Variants in FKBP5 observed in about 807,000 individuals in gnomAD.
FKBP5 encodes FKBP prolyl isomerase 5.
A neutral mutation model predicts 50.5 loss-of-function variants in FKBP5; 23 were observed. The ratio of observed to expected loss-of-function variants is 0.46; its 90% confidence interval spans 0.33 to 0.65. FKBP5 has a LOEUF of 0.65. FKBP5 is among the 30% of genes least tolerant of loss of function. The pLI, the probability that FKBP5 is intolerant of heterozygous loss-of-function variation, is 0.02. For synonymous variants in FKBP5, 176 were observed against 190.6 expected, an observed-to-expected ratio of 0.92 and a Z score of 0.63; for missense variants, 411 against 553.1, an observed-to-expected ratio of 0.74 and a Z score of 2.58.
intron 8 of FKBP5, chr6:35,584,286 T>C (rs545355214): frequency 3.0e-6 from 3 of 985,454 alleles, no homozygotes; most frequent in South Asian, 4.7e-5. Context: ...ACATCTTCAA[T>C]GGCAAAATCA....
At chr6:35,595,920 T>C (rs1318654138) in intron 6 of FKBP5, among the ~76,000 whole-genome samples, 2 of 152,034 alleles carry the variant, frequency 1.3e-5, no homozygotes, top group East Asian at 3.9e-4. Context: ...AAGTGGGGGC[T>C]ATAGTTAGTG....
At chr6:35,707,215 C>CTTTT (rs34841223) in intron 2 of FKBP5, among the ~76,000 whole-genome samples, 2,085 of 116,818 alleles carry the variant, frequency 0.018, 140 homozygotes, top group Non-Finnish European at 0.024. Context: ...TATGAGAAGA[C>CTTTT]TTTTTTTTTT....
chr6:35,586,369 T>C (rs1202268539), intron 8 of FKBP5: 2 of 985,170 alleles, frequency 2.0e-6, no homozygotes, highest in Non-Finnish European at 2.4e-6. Context: ...AGGAATCATC[T>C]TGGCCATTAG....
chr6:35,610,567 C>CA (rs35101873), intron 5 of FKBP5, among the ~76,000 whole-genome samples: 5,383 of 58,500 alleles, frequency 0.092, 1,269 homozygotes, highest in African/African-American at 0.26. Flanking sequence ...GACTCCGTCT[C>CA]AAAAAAAAAA....
intron 5 of FKBP5, among the ~76,000 whole-genome samples, chr6:35,611,375 TG>T (rs1763488335): frequency 6.6e-6 from 1 of 152,216 alleles, no homozygotes; most frequent in African/African-American, 2.4e-5. Flanking sequence ...TACTGCTGAC[TG>T]TCTGCATTCT....
intron 8 of FKBP5, chr6:35,582,608 T>TC (rs1762471274): frequency 1.1e-6 from 1 of 936,794 alleles, no homozygotes; most frequent in South Asian, 4.9e-5. Context: ...ACTTACAGTC[T>TC]CCAGAAGTAA....
At chr6:35,693,217 C>T (rs1489069054), upstream of FKBP5, among the ~76,000 whole-genome samples, 1 of 132,868 alleles carries the variant, frequency 7.5e-6, no homozygotes, top group East Asian at 2.3e-4. Flanking sequence ...GGCTGGAGTG[C>T]AGTGGCGCGA....
intron 4 of FKBP5, among the ~76,000 whole-genome samples, chr6:35,619,526 C>T (rs146963276): frequency 6.6e-6 from 1 of 152,172 alleles, no homozygotes; most frequent in Non-Finnish European, 1.5e-5. Context: ...TGGTGTAGAA[C>T]TATTTTGTTT....
At chr6:35,585,759 A>G in intron 8 of FKBP5, 4 of 985,018 alleles carry the variant, frequency 4.1e-6, no homozygotes, top group Non-Finnish European at 4.8e-6. Flanking sequence ...GTTTTATGCA[A>G]CAAAACTGAT....
intron 7 of FKBP5, among the ~76,000 whole-genome samples, chr6:35,589,092 TTATATATATATATATTTTTATA>T (rs1455707177): frequency 3.8e-3 from 514 of 135,960 alleles, no homozygotes; most frequent in Middle Eastern, 0.03. Context: ...ATATATATTT[TTATATATATATATATTTTTATA>T]TATATATATA....
chr6:35,585,025 T>C, intron 8 of FKBP5: 2 of 985,410 alleles, frequency 2.0e-6, no homozygotes, highest in Non-Finnish European at 2.4e-6. Flanking sequence ...TTCATAACAT[T>C]ATTTCATTAC....
chr6:35,713,015 T>C (rs1766440840), intron 2 of FKBP5, among the ~76,000 whole-genome samples: 1 of 136,878 alleles, frequency 7.3e-6, no homozygotes, highest in South Asian at 2.2e-4. Context: ...AGGTTAAGGC[T>C]GCAGTGAGCC....
chr6:35,672,884 C>G (rs1319744855), intron 1 of FKBP5, among the ~76,000 whole-genome samples: 15 of 151,014 alleles, frequency 9.9e-5, no homozygotes, highest in African/African-American at 3.7e-4. Context: ...GAGCCGAGAT[C>G]GCGCCACTGC....
intron 5 of FKBP5, among the ~76,000 whole-genome samples, chr6:35,616,140 C>T (rs903943122): frequency 6.6e-6 from 1 of 151,814 alleles, no homozygotes; most frequent in African/African-American, 2.4e-5. Context: ...ATGTTAGAAA[C>T]CCTGTCTCTA....
At position 35,633,479 on chromosome 6, in the gene FKBP5, G is replaced by A. The variant is rs116962609; in HGVS notation, c.250+3535C>T. Reference sequence around the variant, plus strand: ...AATCACTTGAGCCCCAGAGGCAGACGTTGCAGTGAGCCAAGATCACGCCAC... The same window carrying A: ...AATCACTTGAGCCCCAGAGGCAGACATTGCAGTGAGCCAAGATCACGCCAC... On this transcript the variant is annotated intron_variant, in intron 3 of 10. Transcript: ENST00000357266. 8.8e-3 allele frequency among the ~76,000 whole-genome samples: 1,289 copies of A among 146,864 alleles called. 14 individuals are homozygous for A. Among genetic ancestry groups the A allele is most frequent in the South Asian group, 0.034 (160 of 4,652 alleles).
intron 7 of FKBP5, among the ~76,000 whole-genome samples, chr6:35,587,985 T>G (rs1468482641): frequency 6.6e-6 from 1 of 152,088 alleles, no homozygotes; most frequent in Non-Finnish European, 1.5e-5. Context: ...GTGTTCCTGG[T>G]GTCACAGCCC....
At chr6:35,689,615 G>C (rs1451106313), upstream of FKBP5, among the ~76,000 whole-genome samples, 3 of 152,092 alleles carry the variant, frequency 2.0e-5, no homozygotes, top group East Asian at 3.9e-4. Flanking sequence ...GGCCGAGGTG[G>C]GCGGACCACG....
rs371777723 is a variant in FKBP5, at chr6:35,725,926, G to T, written c.-241+2582C>A. Reference sequence around the variant, plus strand: ...CTCCCACAGCTCGGGGCACCGCAGGGAAAGTCCTGATGTTCCTTTTGCAAC... The same window carrying T: ...CTCCCACAGCTCGGGGCACCGCAGGTAAAGTCCTGATGTTCCTTTTGCAAC... On this transcript the variant is annotated intron_variant, in intron 1 of 11. Coordinates refer to the FKBP5 transcript ENST00000536438. Among the ~76,000 whole-genome samples, 27 of 152,282 alleles carry T rather than the reference G, an allele frequency of 1.8e-4. No homozygotes were observed. The South Asian group carries it at 5.2e-3, about 29-fold the overall frequency.
chr6:35,719,970 T>C (rs1766581525), intron 2 of FKBP5, among the ~76,000 whole-genome samples: 1 of 152,068 alleles, frequency 6.6e-6, no homozygotes, highest in Non-Finnish European at 1.5e-5. Flanking sequence ...CTGCTAAAAA[T>C]AACCCCAGGC....
Sources: gnomAD v4.1 joint callset for allele counts (sites outside exome capture counted in the v4.1 genomes callset) on GRCh38, gnomAD v4.1.1 for gene constraint, MANE v1.5 for transcripts, NCBI Gene and HGNC (gene_info 2026-07-23, HGNC 2026-07-21) for gene names.